ARHGAP15: variants seen among roughly 807,000 people sequenced by gnomAD.
ARHGAP15 encodes Rho GTPase activating protein 15.
ARHGAP15 carries 51 observed loss-of-function variants against 63.7 expected under a neutral mutation model. That is an observed-to-expected ratio of 0.80 (90% CI 0.64 to 1.01). The LOEUF (loss-of-function observed/expected upper bound fraction) is 1.01, where lower values mean the gene tolerates loss of function less well. Ranked by LOEUF, ARHGAP15 falls within the 50% of genes least tolerant of loss-of-function variation. ARHGAP15 has a pLI of 0.00. For synonymous variants in ARHGAP15, 191 were observed against 193.8 expected (o/e 0.99, Z 0.12); for missense variants, 560 against 564.6 (o/e 0.99, Z 0.08).
At chr2:143,533,198 A>G (rs1402147806) in intron 10 of ARHGAP15, 1 of 152,230 alleles carries the variant, frequency 6.6e-6, no homozygotes. Flanking sequence ...ATGTTGAAAG[A>G]CAGTAAATTT....
chr2:143,635,048 GGACA>G (rs1680234353), intron 12 of ARHGAP15, among the ~76,000 whole-genome samples: 1 of 151,446 alleles, frequency 6.6e-6, no homozygotes, highest in Non-Finnish European at 1.5e-5. Flanking sequence ...TTGAACACAG[GGACA>G]GACAGACACA....
At chr2:143,241,342 C>T (rs1044991274) in intron 5 of ARHGAP15, among the ~76,000 whole-genome samples, 5 of 152,118 alleles carry the variant, frequency 3.3e-5, no homozygotes, top group African/African-American at 9.7e-5. Flanking sequence ...GCTATCTCAA[C>T]TGCAATATGA....
At chr2:143,588,751 T>C (rs1697206490) in intron 11 of ARHGAP15, among the ~76,000 whole-genome samples, 1 of 152,172 alleles carries the variant, frequency 6.6e-6, no homozygotes, top group Non-Finnish European at 1.5e-5. Context: ...CCACCAGGAA[T>C]TCTCCCACAA....
chr2:143,561,142 G>C (rs2105097013), intron 11 of ARHGAP15, among the ~76,000 whole-genome samples: 1 of 152,252 alleles, frequency 6.6e-6, no homozygotes, highest in East Asian at 1.9e-4. Context: ...AGAAAGTCTT[G>C]GAAATTCCCC....
At chr2:143,439,453 A>G (rs1412281872) in intron 8 of ARHGAP15, among the ~76,000 whole-genome samples, 2 of 148,532 alleles carry the variant, frequency 1.3e-5, no homozygotes, top group African/African-American at 4.9e-5. Context: ...AAAAAAGGGA[A>G]GAGATACATG....
At chr2:143,335,631 C>A (rs905122917) in intron 6 of ARHGAP15, among the ~76,000 whole-genome samples, 26 of 152,216 alleles carry the variant, frequency 1.7e-4, no homozygotes, top group African/African-American at 6.3e-4. Flanking sequence ...CAAGCAATAA[C>A]CCAGGAAGGA....
At chr2:143,435,293 T>A in intron 6 of ARHGAP15, 4 of 1,038,060 alleles carry the variant, frequency 3.9e-6, no homozygotes, top group Non-Finnish European at 3.5e-6. Flanking sequence ...GACTTAAGTG[T>A]GTACTGTCTG....
chr2:143,266,439 ACTT>A (rs1012619637), intron 6 of ARHGAP15, among the ~76,000 whole-genome samples: 1 of 152,128 alleles, frequency 6.6e-6, no homozygotes, highest in African/African-American at 2.4e-5. Context: ...GGTGAATACT[ACTT>A]TGCTGGGCCC....
intron 13 of ARHGAP15, among the ~76,000 whole-genome samples, chr2:143,753,989 C>T (rs1413872079): frequency 1.3e-5 from 2 of 152,168 alleles, no homozygotes; most frequent in African/African-American, 4.8e-5. Context: ...ATCTAATGTT[C>T]TAATTCACCA....
intron 9 of ARHGAP15, among the ~76,000 whole-genome samples, chr2:143,488,114 A>G (rs1272793992): frequency 2.0e-5 from 3 of 152,252 alleles, no homozygotes; most frequent in African/African-American, 7.2e-5. Context: ...GGTCTCTGGC[A>G]TTAGACTAAT....
chr2:143,720,996 G>A (rs1164002292), intron 13 of ARHGAP15, among the ~76,000 whole-genome samples: 2 of 144,828 alleles, frequency 1.4e-5, no homozygotes, highest in Non-Finnish European at 3.0e-5. Flanking sequence ...AACCTGGGAG[G>A]TGGAGCTTGC....
rs869266541 is a variant in ARHGAP15, at chr2:143,606,035, C to CAAAAAAAAAAAAAAAAAAAAAAAAAAA, written c.1004-18089_1004-18063dup. ...TGGGCGCCAGAGCAAGACTCTGTCT[C>CAAAAAAAAAAAAAAAAAAAAAAAAAAA]AAAAAAAAAAAAAAAAAAAAAAAAA... On this transcript the variant is annotated intron_variant, in intron 11 of 13. Transcript: ENST00000295095. Among the ~76,000 whole-genome samples, 2 of 22,872 alleles carry CAAAAAAAAAAAAAAAAAAAAAAAAAAA rather than the reference C, an allele frequency of 8.7e-5. 1 individual carries two copies. Among genetic ancestry groups the CAAAAAAAAAAAAAAAAAAAAAAAAAAA allele is most frequent in the African/African-American group, 4.0e-4 (2 of 5,038 alleles). The allele number at this position is 22,872 out of a possible 152,430, so 15.0% of individuals were successfully genotyped here. A position where few individuals can be genotyped will look rare whatever the true frequency, so the allele number is the denominator to read the frequency against.
chr2:143,213,868 A>G (rs926669350), intron 3 of ARHGAP15, among the ~76,000 whole-genome samples: 6 of 152,230 alleles, frequency 3.9e-5, no homozygotes, highest in African/African-American at 1.4e-4. Context: ...GATGACAATG[A>G]TGTCACATTT....
intron 6 of ARHGAP15, among the ~76,000 whole-genome samples, chr2:143,257,275 A>G (rs1680473430): frequency 6.6e-6 from 1 of 152,154 alleles, no homozygotes; most frequent in Admixed American, 6.5e-5. Context: ...ATGCAACCGG[A>G]TGACAGTAAA....
intron 11 of ARHGAP15, among the ~76,000 whole-genome samples, chr2:143,606,264 C>T (rs1698025650): frequency 6.6e-6 from 1 of 152,126 alleles, no homozygotes; most frequent in Non-Finnish European, 1.5e-5. Flanking sequence ...CCTTGGCTCT[C>T]CTATTCACAA....
chr2:143,453,018 T>C (rs1203573293), intron 8 of ARHGAP15, among the ~76,000 whole-genome samples: 1 of 151,956 alleles, frequency 6.6e-6, no homozygotes, highest in Admixed American at 6.6e-5. Context: ...AAGCATGGTA[T>C]AGATATGGTA....
intron 8 of ARHGAP15, among the ~76,000 whole-genome samples, chr2:143,450,353 A>G (rs1558980072): frequency 6.6e-6 from 1 of 151,912 alleles, no homozygotes; most frequent in Non-Finnish European, 1.5e-5. Context: ...GTCATTATGG[A>G]ATCATAAGAA....
intron 6 of ARHGAP15, among the ~76,000 whole-genome samples, chr2:143,364,857 T>G (rs1686227255): frequency 6.6e-6 from 1 of 152,038 alleles, no homozygotes; most frequent in Non-Finnish European, 1.5e-5. Flanking sequence ...AATACAACAA[T>G]TATCCAGGCA....
intron 13 of ARHGAP15, among the ~76,000 whole-genome samples, chr2:143,742,287 G>C (rs1178343271): frequency 6.6e-6 from 1 of 152,218 alleles, no homozygotes; most frequent in African/African-American, 2.4e-5. Flanking sequence ...ATGAGAAGTG[G>C]CTTCTGACTT....
Sources: allele counts gnomAD v4.1 joint callset (sites outside exome capture counted in the v4.1 genomes callset), GRCh38; gene constraint gnomAD v4.1.1; transcripts MANE v1.5; gene names NCBI Gene and HGNC (gene_info 2026-07-23, HGNC 2026-07-21).